The following NAALADL2 variants were observed in gnomAD, a reference collection of about 807,000 sequenced individuals.
NAALADL2 encodes N-acetylated alpha-linked acidic dipeptidase like 2.
A neutral mutation model predicts 87.2 loss-of-function variants in NAALADL2; 76 were observed. The observed-to-expected ratio is 0.87, with a 90% confidence interval of 0.72 to 1.05. NAALADL2 has a LOEUF of 1.05. Among genes scored for constraint, NAALADL2 ranks in the 50% least tolerant of loss-of-function variants. The pLI is 0.00. For synonymous variants in NAALADL2, 354 were observed against 331.0 expected (o/e 1.07, Z -0.75); for missense variants, 1,089 against 945.8 (o/e 1.15, Z -1.99).
intron 3 of NAALADL2, among the ~76,000 whole-genome samples, chr3:174,830,943 T>C (rs1722604753): frequency 6.6e-6 from 1 of 151,198 alleles, no homozygotes. Flanking sequence ...CTTGTGATTT[T>C]TGTACATTGA....
rs1362235343 is a variant in NAALADL2, at chr3:175,285,748, C to T, written c.939+29218C>T. 3.9e-5 allele frequency among the ~76,000 whole-genome samples: 6 copies of T among 151,956 alleles called. 1 individual carries two copies. Among genetic ancestry groups the T allele is most frequent in the African/African-American group, 1.4e-4 (6 of 41,412 alleles). ...CTATATCTATATTTTAAATGTCATTCATTGTTTATGTATTTAAAATGCAAA... is the reference window on the plus strand; with the variant it reads ...CTATATCTATATTTTAAATGTCATTTATTGTTTATGTATTTAAAATGCAAA... On this transcript the variant is annotated intron_variant, in intron 4 of 13. Coordinates refer to ENST00000454872, the MANE Select transcript of NAALADL2 (RefSeq NM_207015.3).
At chr3:175,568,786 C>T (rs565394297) in intron 9 of NAALADL2, among the ~76,000 whole-genome samples, 1 of 152,154 alleles carries the variant, frequency 6.6e-6, no homozygotes, top group Non-Finnish European at 1.5e-5. Flanking sequence ...TACAAATTTG[C>T]ATTTTTGTAA....
chr3:174,660,579 G>A (rs1015229409), intron 2 of NAALADL2, among the ~76,000 whole-genome samples: 14 of 152,048 alleles, frequency 9.2e-5, no homozygotes, highest in African/African-American at 3.4e-4. Flanking sequence ...GCATCTCTGA[G>A]GATACGAAAG....
chr3:175,547,470 G>A (rs1713548037), intron 9 of NAALADL2, among the ~76,000 whole-genome samples: 1 of 152,046 alleles, frequency 6.6e-6, no homozygotes, highest in Non-Finnish European at 1.5e-5. Flanking sequence ...AGACAACCTA[G>A]GCAATACCAT....
At chr3:175,127,917 C>A (rs948862824) in intron 2 of NAALADL2, among the ~76,000 whole-genome samples, 1 of 152,012 alleles carries the variant, frequency 6.6e-6, no homozygotes, top group Non-Finnish European at 1.5e-5. Flanking sequence ...AGTAAAAACA[C>A]AAAATATTAA....
chr3:174,853,582 A>G (rs920529950), intron 3 of NAALADL2, among the ~76,000 whole-genome samples: 4 of 152,090 alleles, frequency 2.6e-5, no homozygotes, highest in South Asian at 2.1e-4. Context: ...GAAACAATCT[A>G]CAAACTGAAG....
chr3:175,619,193 A>G (rs1477797932), intron 10 of NAALADL2, among the ~76,000 whole-genome samples: 2 of 151,484 alleles, frequency 1.3e-5, no homozygotes, highest in Non-Finnish European at 2.9e-5. Flanking sequence ...GTTGAACCAG[A>G]TTCTCCTCAG....
Position 174,684,479 on chromosome 3 carries a change from T to C in NAALADL2, c.-114-53162T>C, listed in dbSNP as rs183946198. Among the ~76,000 whole-genome samples, 1,139 of 152,276 alleles carry C rather than the reference T, an allele frequency of 7.5e-3. 12 individuals carry two copies. The highest frequency in any genetic ancestry group is 0.026 in the African/African-American group (1,084 of 41,572). On this transcript the variant is annotated intron_variant, in intron 2 of 3. Coordinates refer to the NAALADL2 transcript ENST00000434257. Reference sequence around the variant, plus strand: ...CATTTTTTCAAGCTAGTTTGAGTAATTGCATGTAATCAGAAGGAATATAAT... The same window carrying C: ...CATTTTTTCAAGCTAGTTTGAGTAACTGCATGTAATCAGAAGGAATATAAT...
At chr3:174,585,345 G>A (rs1716587270) in intron 2 of NAALADL2, among the ~76,000 whole-genome samples, 1 of 152,116 alleles carries the variant, frequency 6.6e-6, no homozygotes, top group Non-Finnish European at 1.5e-5. Flanking sequence ...TTCTGCTAGT[G>A]AAAGGCAGGG....
At chr3:174,737,564 G>T (rs956539277) in intron 2 of NAALADL2, 1 of 152,110 alleles carries the variant, frequency 6.6e-6, no homozygotes, top group Non-Finnish European at 1.5e-5. Flanking sequence ...ATTAATCAAA[G>T]AACAAAATTC....
chr3:175,755,365 C>G lies in NAALADL2; in HGVS notation c.2136C>G (p.Leu712=), dbSNP rs1481430177. 1 of 1,611,388 alleles carries G rather than the reference C, an allele frequency of 6.2e-7. No individual in the cohort carries two copies. Among genetic ancestry groups the G allele is most frequent in the Non-Finnish European group, 8.5e-7 (1 of 1,178,604 alleles). Residue 712 remains leucine (L), a synonymous_variant, in exon 13 of 14, where the codon CTC becomes CTG. Coordinates refer to ENST00000454872, the MANE Select transcript of NAALADL2 (RefSeq NM_207015.3). ...GCATCCGGATGCTGAATGACATTCT[C>G]CAAGACATGGAGAAAAGCTTTCTGG... The part of the protein sequence containing the change: ...PIRIRMLNDI[L]QDMEKSFLVK...
intron 5 of NAALADL2, among the ~76,000 whole-genome samples, chr3:175,399,890 A>C (rs999159804): frequency 6.6e-6 from 1 of 151,994 alleles, no homozygotes; most frequent in African/African-American, 2.4e-5. Context: ...GTATCTGTTC[A>C]TTTTCCTATT....
rs376743291 is a variant in NAALADL2 at position 175,783,461 on chromosome 3, G to T, written c.2190-19544G>T. On this transcript the variant is annotated intron_variant, in intron 13 of 13. Transcript: ENST00000454872. Reference sequence around the variant, plus strand: ...GGATTCCTAGGTATTTTATTCTCTTGGAAGCAATTGTGAATGGGAGTTCAC... The same window carrying T: ...GGATTCCTAGGTATTTTATTCTCTTTGAAGCAATTGTGAATGGGAGTTCAC... 1.8e-4 allele frequency among the ~76,000 whole-genome samples: 27 copies of T among 151,414 alleles called. No individual in the cohort carries two copies. The South Asian group carries it at 1.9e-3, about 11-fold the overall frequency.
intron 3 of NAALADL2, among the ~76,000 whole-genome samples, chr3:175,248,436 T>C (rs188228070): frequency 1.4e-3 from 211 of 152,304 alleles, no homozygotes; most frequent in African/African-American, 4.9e-3. Context: ...CAAGTTTATG[T>C]ATCGATTTAT....
chr3:175,362,241 C>T lies in NAALADL2; in HGVS notation c.1090+37916C>T, dbSNP rs950581460. 7.4e-5 allele frequency among the ~76,000 whole-genome samples: 11 copies of T among 148,114 alleles called. 3 individuals carry two copies. The highest frequency in any genetic ancestry group is 2.8e-4 in the Admixed American group (4 of 14,482). Reference sequence around the variant, plus strand: ...ATTGGTCTATATCTCTGTTTTGGTACCAGTACCATGCTGTTTTGGTTACTG... The same window carrying T: ...ATTGGTCTATATCTCTGTTTTGGTATCAGTACCATGCTGTTTTGGTTACTG... On this transcript the variant is annotated intron_variant, in intron 5 of 13. Transcript: ENST00000454872.
chr3:174,499,399 T>C (rs1718746624), intron 1 of NAALADL2, among the ~76,000 whole-genome samples: 1 of 152,126 alleles, frequency 6.6e-6, no homozygotes, highest in Non-Finnish European at 1.5e-5. Flanking sequence ...AACAGTGTCA[T>C]TTAAATAGCA....
intron 9 of NAALADL2, among the ~76,000 whole-genome samples, chr3:175,544,779 A>G (rs532961538): frequency 3.4e-4 from 51 of 152,156 alleles, no homozygotes; most frequent in African/African-American, 1.2e-3. Context: ...GTCCAAGTCG[A>G]TGCCACTCTG....
At chr3:175,253,389 C>G (rs750120719) in intron 3 of NAALADL2, among the ~76,000 whole-genome samples, 7 of 152,120 alleles carry the variant, frequency 4.6e-5, no homozygotes, top group Non-Finnish European at 1.0e-4. Context: ...CAATATTCAA[C>G]CTCACTGTTG....
intron 1 of NAALADL2, among the ~76,000 whole-genome samples, chr3:175,031,521 G>T (rs961848645): frequency 3.9e-5 from 6 of 152,074 alleles, no homozygotes; most frequent in African/African-American, 1.4e-4. Flanking sequence ...ATTGACCACA[G>T]ATGGGCACCT....
Sources: gnomAD v4.1 joint callset for allele counts (sites outside exome capture counted in the v4.1 genomes callset) on GRCh38, gnomAD v4.1.1 for gene constraint, MANE v1.5 for transcripts, NCBI Gene and HGNC (gene_info 2026-07-23, HGNC 2026-07-21) for gene names.